Variants in UGT1A8 observed in about 807,000 individuals in gnomAD.
UGT1A8 encodes UDP glucuronosyltransferase family 1 member A8, also known as UDP-glucuronosyltransferase 1A8.
In UGT1A8, 39 loss-of-function variants were observed where a neutral mutation model predicts 45.3. That is an observed-to-expected ratio of 0.86 (90% CI 0.67 to 1.12). The LOEUF is 1.12. UGT1A8 is among the 50% of genes most tolerant of loss of function. The pLI is 0.00. For missense variants in UGT1A8, 719 were observed against 664.9 expected (o/e 1.08, Z -0.90); for synonymous variants, 275 against 249.2 (o/e 1.10, Z -0.97).
At chr2:233,710,658 C>G (rs2076141376) in intron 1 of UGT1A8, among the ~76,000 whole-genome samples, 1 of 152,126 alleles carries the variant, frequency 6.6e-6, no homozygotes, top group African/African-American at 2.4e-5. Context: ...GATACAAGTG[C>G]TATGTCAGAT....
Position 233,772,855 on chromosome 2 carries a change from A to T in UGT1A8, c.*296A>T, listed in dbSNP as rs1237319377. On this transcript the variant is annotated 3_prime_UTR_variant, in exon 5 of 5. Transcript: ENST00000373450. ...TTCTAGATTACTTTTCTTACTCTGA[A>T]ACATGGCCTGTTTGGGAGTGCGGGA... 3 of 732,688 alleles carry T rather than the reference A, an allele frequency of 4.1e-6. No homozygotes were observed. Among genetic ancestry groups the T allele is most frequent in the Non-Finnish European group, 5.9e-6 (3 of 506,184 alleles). 45.4% of individuals were successfully genotyped at this position (732,688 alleles called of 1,614,324 possible). A position where few individuals can be genotyped will look rare whatever the true frequency, so the allele number is the denominator to read the frequency against.
chr2:233,704,789 A>G (rs1240438635), intron 1 of UGT1A8, among the ~76,000 whole-genome samples: 1 of 152,186 alleles, frequency 6.6e-6, no homozygotes, highest in East Asian at 1.9e-4. Context: ...TAGTCCCAAC[A>G]ATATAATTAT....
chr2:233,699,369 C>T (rs2075501600), intron 1 of UGT1A8, among the ~76,000 whole-genome samples: 1 of 152,102 alleles, frequency 6.6e-6, no homozygotes, highest in African/African-American at 2.4e-5. Context: ...ATTGGTATGG[C>T]TAGATTTCAA....
At chr2:233,745,969 A>C (rs939174435) in intron 1 of UGT1A8, among the ~76,000 whole-genome samples, 8 of 151,718 alleles carry the variant, frequency 5.3e-5, no homozygotes, top group Non-Finnish European at 1.0e-4. Context: ...AGGGGCCCTG[A>C]AATGGGACCA....
At chr2:233,736,071 G>A (rs1216077159) in intron 1 of UGT1A8, among the ~76,000 whole-genome samples, 1 of 152,146 alleles carries the variant, frequency 6.6e-6, no homozygotes, top group Non-Finnish European at 1.5e-5. Flanking sequence ...TGCTAGGTTT[G>A]GGAAGTTCTC....
chr2:233,618,582 G>A lies in UGT1A8; in HGVS notation c.855+20G>A, dbSNP rs753534453. ...CCTATGGTAAGTCACCTCTCCTTTA[G>A]CACATTAGGAATAATCTGGCTTTGG... On this transcript the variant is annotated intron_variant, in intron 1 of 4. Coordinates refer to ENST00000373450, the MANE Select transcript of UGT1A8 (RefSeq NM_019076.5). 1.1e-5 allele frequency: 17 copies of A among 1,600,034 alleles called. No homozygotes were observed. Among genetic ancestry groups the A allele is most frequent in the Non-Finnish European group, 1.3e-5 (15 of 1,171,264 alleles).
chr2:233,717,151 C>T (rs1484349429), intron 1 of UGT1A8, among the ~76,000 whole-genome samples: 2 of 152,200 alleles, frequency 1.3e-5, no homozygotes, highest in Non-Finnish European at 2.9e-5. Flanking sequence ...GGAAATAGAA[C>T]ATGGGAGCCC....
intron 1 of UGT1A8, among the ~76,000 whole-genome samples, chr2:233,718,526 C>T (rs942579588): frequency 5.3e-5 from 8 of 152,144 alleles, no homozygotes; most frequent in Non-Finnish European, 1.2e-4. Flanking sequence ...GTGTCCACAG[C>T]CTTGTGTTGG....
At chr2:233,666,870 A>G (rs562483349) in intron 1 of UGT1A8, among the ~76,000 whole-genome samples, 6 of 142,800 alleles carry the variant, frequency 4.2e-5, no homozygotes, top group African/African-American at 1.1e-4. Flanking sequence ...TCATTGTTCA[A>G]TTCCTACCTA....
intron 1 of UGT1A8, chr2:233,691,075 A>T: frequency 1.0e-6 from 1 of 986,258 alleles, no homozygotes; most frequent in Non-Finnish European, 1.2e-6. Flanking sequence ...AAGAATGTGA[A>T]GTTTGTAGCA....
chr2:233,713,095 C>T (rs2076277605), intron 1 of UGT1A8: 1 of 1,614,166 alleles, frequency 6.2e-7, no homozygotes, highest in Non-Finnish European at 8.5e-7. Flanking sequence ...CTGGTGGTGC[C>T]CACTGATGGC....
intron 1 of UGT1A8, chr2:233,719,603 T>G (rs138347224): frequency 3.1e-5 from 50 of 1,610,688 alleles, no homozygotes; most frequent in Non-Finnish European, 3.7e-5. Context: ...GAGGGGACTT[T>G]GTGATGGACT....
At chr2:233,635,345 C>T (rs1415277676) in intron 1 of UGT1A8, among the ~76,000 whole-genome samples, 1 of 150,680 alleles carries the variant, frequency 6.6e-6, no homozygotes, top group East Asian at 1.9e-4. Context: ...TGAATGTTGG[C>T]CTGTCTTGCT....
At chr2:233,713,855 T>C in intron 1 of UGT1A8, 1 of 1,613,968 alleles carries the variant, frequency 6.2e-7, no homozygotes, top group African/African-American at 1.3e-5. Context: ...AGCCACTATC[T>C]CAGGTCTGTA....
intron 1 of UGT1A8, among the ~76,000 whole-genome samples, chr2:233,730,262 T>G (rs2078006509): frequency 6.6e-6 from 1 of 152,108 alleles, no homozygotes; most frequent in South Asian, 2.1e-4. Context: ...TAGAGACTGT[T>G]GGTTTGTAAA....
chr2:233,663,842 G>T (rs1237951052), intron 1 of UGT1A8, among the ~76,000 whole-genome samples: 2 of 152,130 alleles, frequency 1.3e-5, no homozygotes, highest in Non-Finnish European at 2.9e-5. Flanking sequence ...TGCAAAGGCG[G>T]TTTCATTTGC....
At chr2:233,664,920 T>A (rs925915272) in intron 1 of UGT1A8, among the ~76,000 whole-genome samples, 3 of 152,208 alleles carry the variant, frequency 2.0e-5, no homozygotes, top group African/African-American at 7.2e-5. Flanking sequence ...GTAGATCATA[T>A]CCAAGTTGCA....
At chr2:233,739,806 T>C (rs11695770) in intron 1 of UGT1A8, among the ~76,000 whole-genome samples, 15,021 of 151,014 alleles carry the variant, frequency 0.099, 1,689 homozygotes, top group African/African-American at 0.28. Context: ...TGGGAAGGCA[T>C]GATTGGTTTT....
chr2:233,666,428 T>A (rs1171013271), intron 1 of UGT1A8, among the ~76,000 whole-genome samples: 2 of 152,340 alleles, frequency 1.3e-5, no homozygotes, highest in East Asian at 3.9e-4. Context: ...TTTAGTTTGA[T>A]TACCCTAATC....
Sources: gnomAD v4.1 joint callset for allele counts (sites outside exome capture counted in the v4.1 genomes callset) on GRCh38, gnomAD v4.1.1 for gene constraint, MANE v1.5 for transcripts, NCBI Gene and HGNC (gene_info 2026-07-23, HGNC 2026-07-21) for gene names.